UBA1: variants seen among roughly 807,000 people sequenced by gnomAD.
UBA1 encodes ubiquitin-like modifier-activating enzyme 1.
A neutral mutation model predicts 84.7 loss-of-function variants in UBA1; 4 were observed. That is an observed-to-expected ratio of 0.05 (90% CI 0.02 to 0.11). UBA1 has a LOEUF of 0.11. UBA1 is among the 10% of genes least tolerant of loss of function. UBA1 has a pLI of 1.00. For synonymous variants in UBA1, 364 were observed against 362.6 expected, an observed-to-expected ratio of 1.00 and a Z score of -0.04; for missense variants, 513 against 902.8, an observed-to-expected ratio of 0.57 and a Z score of 5.53.
chrX:47,207,051 G>A (rs1162035159), intron 16 of UBA1, among the ~76,000 whole-genome samples: 1 of 110,777 alleles, frequency 9.0e-6, no homozygotes, highest in Non-Finnish European at 1.9e-5. Context: ...GTCCCCAGGG[G>A]TGCCACATCA....
intron 16 of UBA1, chrX:47,209,413 C>A: frequency 3.9e-6 from 2 of 518,919 alleles, no homozygotes; most frequent in South Asian, 2.5e-5. Context: ...CTTAGCCTCC[C>A]AAAGTGCTGG....
At chrX:47,209,726 AC>A (rs781947304) in intron 17 of UBA1, 39 bp downstream of exon 17, 1 of 1,185,261 alleles carries the variant, frequency 8.4e-7, no homozygotes, top group Non-Finnish European at 1.1e-6. Flanking sequence ...GTCCCTGTCC[AC>A]CAGCCAAGGC....
chrX:47,199,787 C>CT (rs371252758), intron 5 of UBA1, among the ~76,000 whole-genome samples, 173 bp downstream of exon 5: 171 of 101,887 alleles, frequency 1.7e-3, no homozygotes, highest in Middle Eastern at 5.3e-3. Flanking sequence ...TTCTTTTCTT[C>CT]TTTTTTTTTT....
intron 8 of UBA1, 22 bp downstream of exon 8, chrX:47,201,632 A>T (rs782299302): frequency 1.7e-6 from 2 of 1,207,027 alleles, no homozygotes; most frequent in African/African-American, 3.5e-5. Flanking sequence ...CCATGGGGGA[A>T]GCAGAGGGGA....
chrX:47,197,233 C>A, intron 1 of UBA1: 1 of 754,985 alleles, frequency 1.3e-6, no homozygotes, highest in Non-Finnish European at 1.6e-6. Context: ...GGCAAACAGT[C>A]CCCCACCAGC....
chrX:47,212,878 A>T lies in UBA1; in HGVS notation c.2646+15A>T. The T allele has an allele frequency of 8.3e-7, 1 of 1,209,211 alleles. No individual in the cohort carries two copies. The highest frequency in any genetic ancestry group is 1.1e-6 in the Non-Finnish European group (1 of 893,658). On this transcript the variant is annotated intron_variant, in intron 22 of 25. Transcript: ENST00000335972. ...ACCGGCACAAGGTGAGGGGAATCTA[A>T]ATCTGATGTTCCACCCTCCTCCAGG...
At chrX:47,205,194 C>T (rs1461345266) in intron 14 of UBA1, 4 of 220,844 alleles carry the variant, frequency 1.8e-5, no homozygotes, top group Non-Finnish European at 3.4e-5. Flanking sequence ...GTCAGGGAGC[C>T]AACTCATTTT....
intron 19 of UBA1, 31 bp downstream of exon 19, chrX:47,210,947 C>T (rs1556793183): frequency 8.3e-7 from 1 of 1,209,207 alleles, no homozygotes. Context: ...CTTCTGGGGT[C>T]AGGTGGAGGG....
chrX:47,204,067 ATTCT>A (rs1426034212), intron 14 of UBA1, among the ~76,000 whole-genome samples: 2 of 94,244 alleles, frequency 2.1e-5, no homozygotes, highest in Non-Finnish European at 4.1e-5. Context: ...TCTTGTTCCC[ATTCT>A]TTCTGTCAGA....
upstream of UBA1, among the ~76,000 whole-genome samples, chrX:47,191,947 G>A (rs370136503): frequency 1.8e-5 from 2 of 111,958 alleles, no homozygotes; most frequent in African/African-American, 6.5e-5. Context: ...GCCGGCTCTG[G>A]ATTCAAATCC....
chrX:47,192,335 G>A (rs1457525984), upstream of UBA1, among the ~76,000 whole-genome samples: 2 of 111,161 alleles, frequency 1.8e-5, no homozygotes, highest in African/African-American at 6.6e-5. Flanking sequence ...ACTGGTCTAA[G>A]CCCTTTCTAC....
intron 16 of UBA1, chrX:47,209,208 G>T: frequency 2.7e-6 from 1 of 372,078 alleles, no homozygotes; most frequent in Non-Finnish European, 4.7e-6. Context: ...AGGCTGGAGT[G>T]CAATGGCATG....
chrX:47,212,355 G>A, intron 20 of UBA1, 69 bp from the exon 21 acceptor site: 1 of 816,468 alleles, frequency 1.2e-6, no homozygotes, highest in Admixed American at 2.3e-5. Context: ...CCCCACCCTG[G>A]GCTCTCATTT....
Position 47,203,014 on chromosome X carries a change from C to T in UBA1, c.1305C>T (p.Asp435=), listed in dbSNP as rs1057524598. The part of the protein sequence containing the change: ...YFDALECLPE[D]KEVLTEDKCL... The stretch of plus-strand genomic sequence containing the variant: ...ATGCCCTTGAGTGTCTCCCTGAGGA[C>T]AAAGAGGTCCTCACAGAGGACAAGT... The change falls in exon 12 of 26, where the codon GAC becomes GAT. Residue 435 remains aspartate (D), a synonymous_variant. Coordinates refer to ENST00000335972, the MANE Select transcript of UBA1 (RefSeq NM_003334.4). 1 of 1,211,482 alleles carries T rather than the reference C, an allele frequency of 8.3e-7. No homozygotes were observed. Among genetic ancestry groups the T allele is most frequent in the Non-Finnish European group, 1.1e-6 (1 of 895,116 alleles).
intron 5 of UBA1, 100 bp from the exon 6 acceptor site, chrX:47,200,794 T>C: frequency 1.6e-6 from 1 of 620,909 alleles, no homozygotes; most frequent in East Asian, 3.6e-5. Flanking sequence ...CAGCAAAGCC[T>C]GGATGTGTTT....
intron 14 of UBA1, among the ~76,000 whole-genome samples, chrX:47,203,997 T>C (rs1242021296): frequency 2.7e-5 from 3 of 109,872 alleles, no homozygotes; most frequent in African/African-American, 9.9e-5. Context: ...ATCTGCCTGC[T>C]TCAGCCTCCC....
chrX:47,206,171 A>T, intron 15 of UBA1, 58 bp downstream of exon 15: 1 of 1,178,318 alleles, frequency 8.5e-7, no homozygotes, highest in Middle Eastern at 2.3e-4. Context: ...TTCGGTGTGT[A>T]TATACCAAGA....
chrX:47,214,714 G>A, intron 25 of UBA1, 77 bp downstream of exon 25: 2 of 1,197,559 alleles, frequency 1.7e-6, no homozygotes, highest in South Asian at 3.6e-5. Context: ...TCCCACTCCA[G>A]TTCACTGCCC....
chrX:47,199,432 C>T, intron 4 of UBA1, 48 bp from the exon 5 acceptor site: 1 of 1,211,645 alleles, frequency 8.3e-7, no homozygotes, highest in Non-Finnish European at 1.1e-6. Context: ...ACCACTGTTC[C>T]CGGTGCCACA....
Sources: gnomAD v4.1 joint callset for allele counts (sites outside exome capture counted in the v4.1 genomes callset) on GRCh38, gnomAD v4.1.1 for gene constraint, MANE v1.5 for transcripts, NCBI Gene and HGNC (gene_info 2026-07-23, HGNC 2026-07-21) for gene names.